ARHGAP29: variants seen among roughly 807,000 people sequenced by gnomAD.
The protein encoded by ARHGAP29 is rho GTPase-activating protein 29.
Under a neutral mutation model 122.6 loss-of-function variants are expected in ARHGAP29, and 43 were observed. That is an observed-to-expected ratio of 0.35 (90% CI 0.27 to 0.45). ARHGAP29 has a LOEUF of 0.45. ARHGAP29 is among the 20% of genes least tolerant of loss of function. The pLI is 1.00. For missense variants in ARHGAP29, 1,303 were observed against 1,477.2 expected (o/e 0.88, Z 1.93); for synonymous variants, 506 against 497.1 (o/e 1.02, Z -0.24).
rs542017833 is a variant in ARHGAP29, at chr1:94,265,337, C to A, written c.-33+9675G>T. Reference sequence around the variant, plus strand: ...AGCTGCCCTGGCAGGCATGACCTCGCATTCCTGATGGGCCTGCTTCCTCCT... The same window carrying A: ...AGCTGCCCTGGCAGGCATGACCTCGAATTCCTGATGGGCCTGCTTCCTCCT... On this transcript the variant is annotated intron_variant and NMD_transcript_variant, in intron 1 of 25. Coordinates refer to the ARHGAP29 transcript ENST00000552844. Among the ~76,000 whole-genome samples the A allele has an allele frequency of 6.6e-5, 10 of 152,370 alleles. No homozygotes were observed. The East Asian group carries it at 1.9e-3, about 29-fold the overall frequency.
the ARHGAP29 span, among the ~76,000 whole-genome samples, chr1:94,313,268 C>T: frequency 3.3e-5 from 5 of 152,198 alleles, no homozygotes; most frequent in South Asian, 2.1e-4. Flanking sequence ...TGGCTTGCTT[C>T]TTCCTCTCAT....
chr1:94,174,058 G>A lies in ARHGAP29; in HGVS notation c.3597C>T (p.His1199=), dbSNP rs765672987. 8.7e-6 allele frequency: 14 copies of A among 1,614,218 alleles called. No homozygotes were observed. Among genetic ancestry groups the A allele is most frequent in the East Asian group, 4.5e-5 (2 of 44,886 alleles). ...AVPPGTDHDP[H]GLVVKSMPDP... ...CTGGCATTGACTTCACCACGAGACC[G>A]TGGGGATCGTGATCTGTGCCAGGAG... The change falls in exon 23 of 23, where the codon CAC becomes CAT. Residue 1199 remains histidine, a synonymous_variant. Coordinates refer to ENST00000260526, the MANE Select transcript of ARHGAP29 (RefSeq NM_004815.4).
the ARHGAP29 span, among the ~76,000 whole-genome samples, chr1:94,299,771 G>A: frequency 6.6e-6 from 1 of 152,092 alleles, no homozygotes; most frequent in Non-Finnish European, 1.5e-5. Flanking sequence ...AAGGGGAGGG[G>A]GTAAAGGAAA....
rs1648652807 is a variant in ARHGAP29, at chr1:94,170,363, G to C, written c.*3506C>G. 6.6e-6 allele frequency among the ~76,000 whole-genome samples: 1 copy of C among 152,098 alleles called. No homozygotes were observed. Among genetic ancestry groups the C allele is most frequent in the East Asian group, 1.9e-4 (1 of 5,196 alleles). On this transcript the variant is annotated 3_prime_UTR_variant, in exon 23 of 23. Coordinates refer to ENST00000260526, the MANE Select transcript of ARHGAP29 (RefSeq NM_004815.4). ...TATCTAATGATAAACCAAAACTGAG[G>C]AACTTTCTACAAACTGGCCAATCCT...
intron 1 of ARHGAP29, among the ~76,000 whole-genome samples, chr1:94,249,160 G>T (rs2100692125): frequency 6.6e-6 from 1 of 152,336 alleles, no homozygotes; most frequent in East Asian, 1.9e-4. Flanking sequence ...CTCAGCATGT[G>T]CCCTGAATCA....
chr1:94,202,738 C>A lies in ARHGAP29; in HGVS notation c.955-6G>T, dbSNP rs747151346. ...AGAGCATTCTCTGCTTCAAGCTACACCGAAAAGAGTATTAAACACAGAATA... is the reference window on the plus strand; with the variant it reads ...AGAGCATTCTCTGCTTCAAGCTACAACGAAAAGAGTATTAAACACAGAATA... On this transcript the variant is annotated splice_polypyrimidine_tract_variant and splice_region_variant and intron_variant, in intron 10 of 22. Coordinates refer to ENST00000260526, the MANE Select transcript of ARHGAP29 (RefSeq NM_004815.4). 6 of 1,611,344 alleles carry A rather than the reference C, an allele frequency of 3.7e-6. No homozygotes were observed. Among genetic ancestry groups the A allele is most frequent in the Non-Finnish European group, 5.1e-6 (6 of 1,179,342 alleles).
intron 3 of ARHGAP29, among the ~76,000 whole-genome samples, chr1:94,213,874 A>G (rs1275227549): frequency 1.3e-5 from 2 of 152,206 alleles, no homozygotes; most frequent in East Asian, 1.9e-4. Flanking sequence ...TATTATTATC[A>G]TATAACACAA....
At chr1:94,275,071 A>T (rs1195747795), upstream of ARHGAP29, 1 of 152,150 alleles carries the variant, frequency 6.6e-6, no homozygotes, top group Non-Finnish European at 1.5e-5. Flanking sequence ...GGGGTTCTGA[A>T]ATCTGGCTGT....
chr1:94,247,324 C>T (rs906579207), intron 1 of ARHGAP29, among the ~76,000 whole-genome samples: 1 of 151,990 alleles, frequency 6.6e-6, no homozygotes. Flanking sequence ...GAGGAAAGTC[C>T]ACCCGGCCAG....
chr1:94,180,484 G>A (rs955493924), intron 19 of ARHGAP29, among the ~76,000 whole-genome samples: 1 of 152,126 alleles, frequency 6.6e-6, no homozygotes, highest in Admixed American at 6.5e-5. Flanking sequence ...CTAACAAAGG[G>A]CATGCCATTT....
At chr1:94,200,670 T>G (rs920794061) in intron 12 of ARHGAP29, among the ~76,000 whole-genome samples, 33 of 152,186 alleles carry the variant, frequency 2.2e-4, no homozygotes, top group African/African-American at 8.0e-4. Flanking sequence ...GGATAAACAC[T>G]GTAGTACAGT....
intron 15 of ARHGAP29, among the ~76,000 whole-genome samples, chr1:94,188,460 A>C (rs1649941895): frequency 2.0e-5 from 3 of 152,108 alleles, no homozygotes; most frequent in Non-Finnish European, 4.4e-5. Context: ...ACACACATAA[A>C]TGAAATCACA....
At chr1:94,230,927 TC>T (rs1488410875) in intron 2 of ARHGAP29, among the ~76,000 whole-genome samples, 2 of 151,170 alleles carry the variant, frequency 1.3e-5, no homozygotes, top group African/African-American at 2.4e-5. Context: ...ATGTTACAGA[TC>T]AGCAAAACAG....
the ARHGAP29 span, among the ~76,000 whole-genome samples, chr1:94,285,636 G>A: frequency 1.3e-5 from 2 of 152,090 alleles, no homozygotes; most frequent in African/African-American, 4.8e-5. Context: ...CAGCATTTTG[G>A]GAGGCCAAAG....
At chr1:94,253,642 ACG>A (rs1273502451) in intron 1 of ARHGAP29, among the ~76,000 whole-genome samples, 1 of 149,900 alleles carries the variant, frequency 6.7e-6, no homozygotes, top group Admixed American at 6.6e-5. Context: ...ACACACACGC[ACG>A]CACGCACGCA....
In ARHGAP29 at chr1:94,174,068, T is replaced by G; in HGVS notation, c.3587A>C (p.His1196Pro). The change falls in exon 23 of 23, where the codon CAC becomes CCC. Residue 1196 changes from histidine (H) to proline (P), a missense_variant. Physicochemically the swap from His to Pro is moderately conservative, Grantham distance 77 (BLOSUM62 -2). Coordinates refer to ENST00000260526, the MANE Select transcript of ARHGAP29 (RefSeq NM_004815.4). ...CTTCACCACGAGACCGTGGGGATCG[T>G]GATCTGTGCCAGGAGGCACTGCTGC... Reference protein sequence around the residue: ...PSAAVPPGTDHDPHGLVVKSM... With the variant: ...PSAAVPPGTDPDPHGLVVKSM... 6.2e-7 allele frequency: 1 copy of G among 1,614,230 alleles called. No individual in the cohort carries two copies. The highest frequency in any genetic ancestry group is 8.5e-7 in the Non-Finnish European group (1 of 1,180,038).
At chr1:94,211,287 CAAAAAAA>C (rs71094285) in intron 3 of ARHGAP29, among the ~76,000 whole-genome samples, 1 of 35,996 alleles carries the variant, frequency 2.8e-5, no homozygotes, top group African/African-American at 1.1e-4. Flanking sequence ...GCTCTGGCTC[CAAAAAAA>C]AAAAAAAAAA....
the ARHGAP29 span, among the ~76,000 whole-genome samples, chr1:94,291,800 A>C: frequency 6.6e-6 from 1 of 152,190 alleles, no homozygotes; most frequent in Non-Finnish European, 1.5e-5. Context: ...TCTGACTTGT[A>C]GGGTTTCTGT....
intron 3 of ARHGAP29, among the ~76,000 whole-genome samples, chr1:94,217,060 C>T (rs1175719236): frequency 6.6e-6 from 1 of 152,112 alleles, no homozygotes; most frequent in Non-Finnish European, 1.5e-5. Context: ...AAGCAGGCAC[C>T]CTTCATGCAT....
Sources: allele counts gnomAD v4.1 joint callset (sites outside exome capture counted in the v4.1 genomes callset), GRCh38; gene constraint gnomAD v4.1.1; transcripts MANE v1.5; gene names NCBI Gene and HGNC (gene_info 2026-07-23, HGNC 2026-07-21).